Variants in CACNA1B observed in about 807,000 individuals in gnomAD.
CACNA1B encodes the protein voltage-dependent N-type calcium channel subunit alpha-1B.
Under a neutral mutation model 247.2 loss-of-function variants are expected in CACNA1B, and 70 were observed. The observed-to-expected ratio is 0.28, with a 90% CI of 0.23 to 0.35. The LOEUF is 0.35. Among genes scored for constraint, CACNA1B ranks in the 10% least tolerant of loss-of-function variants. CACNA1B has a pLI of 1.00. For missense variants in CACNA1B, 2,367 were observed against 3,197.4 expected (o/e 0.74, Z 6.26); for synonymous variants, 1,231 against 1,294.4 (o/e 0.95, Z 1.05).
At position 138,061,005 on chromosome 9, in the gene CACNA1B, T is replaced by C. The variant is rs535428346; in HGVS notation, c.4668+1268T>C. Among the ~76,000 whole-genome samples, 90 of 152,300 alleles carry C rather than the reference T, an allele frequency of 5.9e-4. No individual in the cohort carries two copies. In the Middle Eastern group the frequency reaches 0.017, roughly 29 times the overall value. ...GTGGGATGACCCAGACCCTCAGCCC[T>C]GCGCATCCCAAGTCCCTACTTGTTG... On this transcript the variant is annotated intron_variant, in intron 31 of 46. Transcript: ENST00000371372.
At chr9:137,966,728 A>T (rs781044577) in intron 10 of CACNA1B, among the ~76,000 whole-genome samples, 1 of 145,450 alleles carries the variant, frequency 6.9e-6, no homozygotes. Context: ...TTAGTAGAGA[A>T]GGAGTTTCAC....
At chr9:138,075,778 A>C in intron 34 of CACNA1B, 41 bp from the exon 35 acceptor site, 2 of 1,368,612 alleles carry the variant, frequency 1.5e-6, no homozygotes, top group Non-Finnish European at 2.1e-6. Context: ...CGGCTCCTGC[A>C]GACCCAGCAG....
Position 137,895,933 on chromosome 9 carries a change from T to C in CACNA1B, c.530+13050T>C, listed in dbSNP as rs116602522. 6.5e-3 allele frequency among the ~76,000 whole-genome samples: 992 copies of C among 152,310 alleles called. 11 individuals carry two copies. Among genetic ancestry groups the C allele is most frequent in the African/African-American group, 0.023 (951 of 41,566 alleles). ...AATTTCAGGAGGAAAACATTCTGACTTTAACCATTAAGAATAATGTTAGTG... is the reference window on the plus strand; with the variant it reads ...AATTTCAGGAGGAAAACATTCTGACCTTAACCATTAAGAATAATGTTAGTG... On this transcript the variant is annotated intron_variant, in intron 3 of 46. Coordinates refer to ENST00000371372, the MANE Select transcript of CACNA1B (RefSeq NM_000718.4).
At chr9:138,024,339 G>C (rs1255461411) in intron 19 of CACNA1B, among the ~76,000 whole-genome samples, 1 of 152,148 alleles carries the variant, frequency 6.6e-6, no homozygotes, top group African/African-American at 2.4e-5. Context: ...GAGGGCCTGG[G>C]GTAACAGTGG....
chr9:138,015,291 C>T (rs1958777397), intron 18 of CACNA1B, among the ~76,000 whole-genome samples: 1 of 152,186 alleles, frequency 6.6e-6, no homozygotes, highest in African/African-American at 2.4e-5. Flanking sequence ...ACATGACAGC[C>T]AGTCTGATTT....
chr9:137,916,773 C>T (rs1044871454), intron 5 of CACNA1B, among the ~76,000 whole-genome samples: 18 of 150,492 alleles, frequency 1.2e-4, no homozygotes, highest in African/African-American at 2.7e-4. Flanking sequence ...GGGAGAGGAA[C>T]GGTCCTCGTG....
Position 138,073,245 on chromosome 9 carries a change from A to G in CACNA1B, c.4675-243A>G, listed in dbSNP as rs1960190021. On this transcript the variant is annotated intron_variant, in intron 32 of 46. Coordinates refer to ENST00000371372, the MANE Select transcript of CACNA1B (RefSeq NM_000718.4). This position sits in a 1 kb window ranked among gnomAD's most constrained non-coding sequence, Gnocchi z 6.4. ...GGTTGGGGGTGGGGAGGGGCCTTAGAGCCAAGGAGGTTTTCTCTGATTTGC... is the reference window on the plus strand; with the variant it reads ...GGTTGGGGGTGGGGAGGGGCCTTAGGGCCAAGGAGGTTTTCTCTGATTTGC... 6.6e-6 allele frequency among the ~76,000 whole-genome samples: 1 copy of G among 152,170 alleles called. No homozygotes were observed. The highest frequency in any genetic ancestry group is 1.5e-5 in the Non-Finnish European group (1 of 68,024).
chr9:137,973,128 G>A lies in CACNA1B; in HGVS notation c.1543+1536G>A, dbSNP rs1040827245. ...AGGGGTAGGGCTGCACAGCCCAGTC[G>A]CGCATCTGCTGTGTGCGAGCACAGG... On this transcript the variant is annotated intron_variant, in intron 11 of 46. Coordinates refer to ENST00000371372, the MANE Select transcript of CACNA1B (RefSeq NM_000718.4). This position sits in a 1 kb window ranked among gnomAD's most constrained non-coding sequence, Gnocchi z 4.1. Among the ~76,000 whole-genome samples, 4 of 152,188 alleles carry A rather than the reference G, an allele frequency of 2.6e-5. No individual in the cohort carries two copies. The highest frequency in any genetic ancestry group is 1.9e-4 in the East Asian group (1 of 5,194).
At position 138,058,956 on chromosome 9, in the gene CACNA1B, G is replaced by T; in HGVS notation, c.4474-123G>T. 3 of 717,880 alleles carry T rather than the reference G, an allele frequency of 4.2e-6. No individual in the cohort carries two copies. Among genetic ancestry groups the T allele is most frequent in the South Asian group, 3.3e-5 (2 of 60,140 alleles). The allele number at this position is 717,880 out of a possible 1,614,324, so 44.5% of individuals were successfully genotyped here. On this transcript the variant is annotated intron_variant, in intron 29 of 46. Transcript: ENST00000371372. The surrounding 1 kb of genome is among the most constrained non-coding windows in gnomAD (Gnocchi z 4.7). ...GGGAGGACTCGGGGAGAGCAGGAAG[G>T]GGTGTCCCAGGCCTAGGCAGGCATC...
At position 137,888,236 on chromosome 9, in the gene CACNA1B, C is replaced by T. The variant is rs1280527359; in HGVS notation, c.530+5353C>T. 6.6e-6 allele frequency among the ~76,000 whole-genome samples: 1 copy of T among 152,082 alleles called. No individual in the cohort carries two copies. Among genetic ancestry groups the T allele is most frequent in the Non-Finnish European group, 1.5e-5 (1 of 67,976 alleles). ...AAAAGGTAGAGCCCACGGGAAGCCC[C>T]GTGGTGCCTCCGGAGTCTGTCACCC... On this transcript the variant is annotated intron_variant, in intron 3 of 46. Coordinates refer to ENST00000371372, the MANE Select transcript of CACNA1B (RefSeq NM_000718.4). This position sits in a 1 kb window ranked among gnomAD's most constrained non-coding sequence, Gnocchi z 4.7.
chr9:137,911,959 G>T (rs555461521), intron 3 of CACNA1B, among the ~76,000 whole-genome samples: 2 of 152,230 alleles, frequency 1.3e-5, no homozygotes, highest in Non-Finnish European at 2.9e-5. Flanking sequence ...GGGAACAAAG[G>T]GGGAAGGAGC....
intron 10 of CACNA1B, among the ~76,000 whole-genome samples, chr9:137,968,552 T>C (rs889536220): frequency 5.9e-5 from 9 of 152,254 alleles, no homozygotes; most frequent in Admixed American, 5.9e-4. Flanking sequence ...CACGTCACTT[T>C]TGTTGCCCCC....
At chr9:137,930,184 G>T (rs1042241229) in intron 6 of CACNA1B, among the ~76,000 whole-genome samples, 9 of 152,172 alleles carry the variant, frequency 5.9e-5, no homozygotes, top group African/African-American at 2.2e-4. Context: ...CACGCTGGGG[G>T]TTTAGATGAT....
At position 138,112,465 on chromosome 9, in the gene CACNA1B, G is replaced by T. The variant is rs748436630; in HGVS notation, c.5496G>T (p.Leu1832=). 2 of 1,613,452 alleles carry T rather than the reference G, an allele frequency of 1.2e-6. No homozygotes were observed. The highest frequency in any genetic ancestry group is 1.7e-6 in the Non-Finnish European group (2 of 1,179,398). ...RKEISVVWAN[L]PQKTLDLLVP... ...AGATTTCCGTTGTGTGGGCCAATCT[G>T]CCCCAGAAGACTTTGGACTTGCTGG... The change falls in exon 40 of 47, where the codon CTG becomes CTT. Residue 1832 remains leucine (L), a synonymous_variant. Transcript: ENST00000371372.
intron 10 of CACNA1B, among the ~76,000 whole-genome samples, chr9:137,970,079 C>A (rs1256702872): frequency 6.6e-6 from 1 of 152,142 alleles, no homozygotes; most frequent in Non-Finnish European, 1.5e-5. Flanking sequence ...ATATGCATAG[C>A]ACACATGCCC....
intron 3 of CACNA1B, among the ~76,000 whole-genome samples, chr9:137,908,607 G>A (rs1187047556): frequency 1.3e-5 from 2 of 152,032 alleles, no homozygotes; most frequent in Non-Finnish European, 2.9e-5. Flanking sequence ...CAAGTCAGTG[G>A]TTTTGGCATA....
At chr9:137,988,202 G>A (rs1652901595) in intron 15 of CACNA1B, among the ~76,000 whole-genome samples, 1 of 152,254 alleles carries the variant, frequency 6.6e-6, no homozygotes, top group African/African-American at 2.4e-5. Context: ...GGAGGTCACA[G>A]GCCTGGAGCT....
At position 138,121,521 on chromosome 9, in the gene CACNA1B, C is replaced by A; in HGVS notation, c.6542C>A (p.Thr2181Asn). 2 of 1,572,872 alleles carry A rather than the reference C, an allele frequency of 1.3e-6. No homozygotes were observed. Among genetic ancestry groups the A allele is most frequent in the Admixed American group, 1.8e-5 (1 of 56,650 alleles). The change falls in exon 47 of 47, where the codon ACC becomes AAC. Residue 2181 changes from threonine to asparagine, a missense_variant. Around this residue, in one of 12 missense-constraint regions of CACNA1B, gnomAD observed 773 missense variants for 779.4 expected, o/e 0.99. Transcript: ENST00000371372. The surrounding 1 kb of genome is among the most constrained non-coding windows in gnomAD (Gnocchi z 6.8). Reference protein sequence around the residue: ...SPLLSTSGASTPGRGGRRQLP... With the variant: ...SPLLSTSGASNPGRGGRRQLP... ...TTGCTGTCAACATCTGGTGCTAGCA[C>A]CCCCGGCCGCGGTGGGCGGAGGCAG...
intron 3 of CACNA1B, among the ~76,000 whole-genome samples, chr9:137,906,701 G>A (rs937043142): frequency 2.6e-5 from 4 of 151,956 alleles, no homozygotes; most frequent in Non-Finnish European, 4.4e-5. Flanking sequence ...TAACATATGT[G>A]TTTCTCTTCA....
Sources: gnomAD v4.1 joint callset for allele counts (sites outside exome capture counted in the v4.1 genomes callset) on GRCh38, gnomAD v4.1.1 for gene constraint, gnomAD v4.1.1 regional missense constraint, Gnocchi (gnomAD v3.1) non-coding constraint, MANE v1.5 for transcripts, NCBI Gene and HGNC (gene_info 2026-07-23, HGNC 2026-07-21) for gene names.